Variants in HECW1 observed in about 807,000 individuals in gnomAD.
HECW1 encodes the protein E3 ubiquitin-protein ligase HECW1.
HECW1 carries 61 observed loss-of-function variants against 182.3 expected under a neutral mutation model. The observed-to-expected ratio is 0.33, with a 90% CI of 0.27 to 0.41. The LOEUF (loss-of-function observed/expected upper bound fraction) is 0.41. Ranked by LOEUF, HECW1 falls within the 10% of genes least tolerant of loss-of-function variation. The pLI is 1.00. For missense variants in HECW1, 1,739 were observed against 2,108.9 expected (o/e 0.82, Z 3.44); for synonymous variants, 859 against 832.6 (o/e 1.03, Z -0.55).
chr7:43,115,657 G>A (rs957386966), intron 2 of HECW1, among the ~76,000 whole-genome samples: 1 of 152,156 alleles, frequency 6.6e-6, no homozygotes, highest in Non-Finnish European at 1.5e-5. Flanking sequence ...ATGCGCTATG[G>A]TAATTTTTAT....
In HECW1 at chr7:43,564,575, CA is replaced by C. The variant is rs2082287020; in HGVS notation, c.*2653del. 2 of 185,356 alleles carry C rather than the reference CA, an allele frequency of 1.1e-5. No individual in the cohort carries two copies. Among genetic ancestry groups the C allele is most frequent in the Non-Finnish European group, 1.1e-5 (1 of 87,574 alleles). 11.5% of individuals were successfully genotyped at this position (185,356 alleles called of 1,614,324 possible). ...ACAGGAACATTCTTTCACAAAAGTG[CA>C]AAATTTCATGAAGAAATGCTGATGT... On this transcript the variant is annotated 3_prime_UTR_variant, in exon 30 of 30. Coordinates refer to ENST00000395891, the MANE Select transcript of HECW1 (RefSeq NM_015052.5).
At chr7:43,236,928 C>T (rs1798400634) in intron 2 of HECW1, among the ~76,000 whole-genome samples, 1 of 151,964 alleles carries the variant, frequency 6.6e-6, no homozygotes, top group South Asian at 2.1e-4. Context: ...CTTGAGTTTT[C>T]CCTTGGCTTA....
Position 43,415,124 on chromosome 7 carries a change from C to G in HECW1, c.801+7393C>G, listed in dbSNP as rs373935438. Among the ~76,000 whole-genome samples the G allele has an allele frequency of 2.9e-3, 437 of 148,488 alleles. 4 individuals are homozygous for G. In the East Asian group the frequency reaches 0.032, roughly 11 times the overall value. On this transcript the variant is annotated intron_variant, in intron 8 of 29. Transcript: ENST00000395891. ...AGTTGATGCAGTTTCTTCCTAGTCTCGATGGTCTTTACATTTTGTCATGAT... is the reference window on the plus strand; with the variant it reads ...AGTTGATGCAGTTTCTTCCTAGTCTGGATGGTCTTTACATTTTGTCATGAT...
chr7:43,184,878 A>G (rs951850527), intron 2 of HECW1, among the ~76,000 whole-genome samples: 3 of 152,082 alleles, frequency 2.0e-5, no homozygotes, highest in Admixed American at 6.6e-5. Context: ...CAGGTCTTAC[A>G]TGGCTGGAGC....
In HECW1 at chr7:43,469,119, A is replaced by ACGTG; in HGVS notation, c.3099+17_3099+20dup. 6.2e-7 allele frequency: 1 copy of ACGTG among 1,611,828 alleles called. No individual in the cohort carries two copies. The highest frequency in any genetic ancestry group is 8.5e-7 in the Non-Finnish European group (1 of 1,178,968). On this transcript the variant is annotated intron_variant, in intron 16 of 29. Transcript: ENST00000395891. The stretch of plus-strand genomic sequence containing the variant: ...CAGCAGGGAAAGGTGAGTGTGACCC[A>ACGTG]CGTGCGGGGCTTTCATCAAACAGGC...
chr7:43,384,972 A>G (rs1304026746), intron 6 of HECW1, among the ~76,000 whole-genome samples: 4 of 152,146 alleles, frequency 2.6e-5, no homozygotes, highest in African/African-American at 9.7e-5. Context: ...CTTAGATGAA[A>G]AGAGCTAACT....
chr7:43,366,858 C>T (rs544068349), intron 6 of HECW1, among the ~76,000 whole-genome samples: 3 of 152,152 alleles, frequency 2.0e-5, no homozygotes, highest in Non-Finnish European at 4.4e-5. Context: ...GGATGGACTG[C>T]ATTGCCCCAG....
Position 43,561,956 on chromosome 7 carries a change from G to A in HECW1, c.*30G>A. On this transcript the variant is annotated 3_prime_UTR_variant, in exon 30 of 30. Transcript: ENST00000395891. ...ATGGAACCTCGCCTGACATTTTCCT[G>A]GCCAGTGACATCACCCTTCCTGGGA... 1 of 1,307,350 alleles carries A rather than the reference G, an allele frequency of 7.6e-7. No individual in the cohort carries two copies. Among genetic ancestry groups the A allele is most frequent in the Non-Finnish European group, 1.1e-6 (1 of 900,802 alleles). 81.0% of individuals were successfully genotyped at this position (1,307,350 alleles called of 1,614,324 possible).
At chr7:43,241,652 G>T (rs1798895528) in intron 2 of HECW1, among the ~76,000 whole-genome samples, 1 of 149,006 alleles carries the variant, frequency 6.7e-6, no homozygotes, top group Middle Eastern at 3.4e-3. Context: ...GTGTGTGTGT[G>T]TGTGTGTGTT....
chr7:43,292,099 G>T (rs1216005291), intron 3 of HECW1, among the ~76,000 whole-genome samples: 1 of 152,118 alleles, frequency 6.6e-6, no homozygotes, highest in Non-Finnish European at 1.5e-5. Context: ...TCTTACAAAA[G>T]GGTAACAGTT....
At chr7:43,346,612 T>G (rs1255035959) in intron 5 of HECW1, among the ~76,000 whole-genome samples, 1 of 152,212 alleles carries the variant, frequency 6.6e-6, no homozygotes, top group African/African-American at 2.4e-5. Context: ...TTCTAGAATT[T>G]TTATAGTTTC....
chr7:43,302,035 TG>T (rs984530258), intron 3 of HECW1, among the ~76,000 whole-genome samples: 8 of 152,308 alleles, frequency 5.3e-5, no homozygotes, highest in Middle Eastern at 3.4e-3. Flanking sequence ...AACATGCTTT[TG>T]AGTATTAATT....
At chr7:43,407,987 A>G (rs2075669252) in intron 8 of HECW1, among the ~76,000 whole-genome samples, 1 of 152,182 alleles carries the variant, frequency 6.6e-6, no homozygotes, top group Non-Finnish European at 1.5e-5. Flanking sequence ...CCATGCCGCG[A>G]GCAGGACGGC....
At chr7:43,143,825 C>T (rs888407152) in intron 2 of HECW1, among the ~76,000 whole-genome samples, 1 of 152,156 alleles carries the variant, frequency 6.6e-6, no homozygotes, top group African/African-American at 2.4e-5. Flanking sequence ...GGGCACAAGA[C>T]ATTGATTAAG....
chr7:43,365,250 C>T (rs1252639521), intron 6 of HECW1, among the ~76,000 whole-genome samples: 5 of 152,360 alleles, frequency 3.3e-5, no homozygotes, highest in South Asian at 4.1e-4. Context: ...TTTCAAGTCC[C>T]GAGCATACTG....
At chr7:43,395,681 C>T (rs1168248066) in intron 6 of HECW1, among the ~76,000 whole-genome samples, 1 of 152,212 alleles carries the variant, frequency 6.6e-6, no homozygotes, top group African/African-American at 2.4e-5. Flanking sequence ...GGCAGTCATA[C>T]CAAGATTTGT....
intron 24 of HECW1, chr7:43,512,063 C>T (rs368256823): frequency 4.5e-4 from 98 of 218,612 alleles, no homozygotes; most frequent in African/African-American, 2.0e-3. Context: ...CTGCTGATCT[C>T]GGGTCGGTGT....
intron 7 of HECW1, among the ~76,000 whole-genome samples, chr7:43,398,567 T>G (rs1479724336): frequency 6.6e-6 from 1 of 151,634 alleles, no homozygotes; most frequent in Non-Finnish European, 1.5e-5. Flanking sequence ...GTAAAGCAAA[T>G]ATGTTTTGAT....
At position 43,451,051 on chromosome 7, in the gene HECW1, A is replaced by G. The variant is rs1374123031; in HGVS notation, c.2500+122A>G. On this transcript the variant is annotated intron_variant, in intron 12 of 29. Coordinates refer to ENST00000395891, the MANE Select transcript of HECW1 (RefSeq NM_015052.5). The stretch of plus-strand genomic sequence containing the variant: ...ACTCCGTGCCTTACAGTGTTAACAA[A>G]GACCAATATGACACCTGCTCTAAAA... 5.9e-6 allele frequency: 4 copies of G among 680,412 alleles called. No individual in the cohort carries two copies. The Admixed American group carries it at 9.8e-5, about 17-fold the overall frequency. 42.1% of individuals were successfully genotyped at this position (680,412 alleles called of 1,614,324 possible). A position where few individuals can be genotyped will look rare whatever the true frequency, so the allele number is the denominator to read the frequency against.
Sources: allele counts gnomAD v4.1 joint callset (sites outside exome capture counted in the v4.1 genomes callset), GRCh38; gene constraint gnomAD v4.1.1; transcripts MANE v1.5; gene names NCBI Gene and HGNC (gene_info 2026-07-23, HGNC 2026-07-21).